The following NLK variants were observed in gnomAD, a reference collection of about 807,000 sequenced individuals.
The protein encoded by NLK is nemo like kinase.
Under a neutral mutation model 59.0 loss-of-function variants are expected in NLK, and 11 were observed. The ratio of observed to expected loss-of-function variants is 0.19; its 90% CI spans 0.12 to 0.31. The LOEUF is 0.31. NLK is among the 10% of genes least tolerant of loss of function. NLK has a pLI of 1.00. For synonymous variants in NLK, 235 were observed against 235.9 expected (o/e 1.00, Z 0.03); for missense variants, 410 against 661.1 (o/e 0.62, Z 4.16).
intron 3 of NLK, among the ~76,000 whole-genome samples, chr17:28,156,547 C>T (rs563519199): frequency 1.3e-5 from 2 of 152,174 alleles, no homozygotes; most frequent in South Asian, 2.1e-4. Flanking sequence ...CCCTTCACCC[C>T]GCAACACACA....
the NLK span, among the ~76,000 whole-genome samples, chr17:28,205,546 TTG>T: frequency 6.6e-6 from 1 of 152,176 alleles, no homozygotes; most frequent in Admixed American, 6.5e-5. Context: ...AAAAATCACT[TTG>T]TGTTTTGTAG....
Position 28,194,703 on chromosome 17 carries a change from C to A in NLK, c.*67C>A. The A allele has an allele frequency of 8.6e-7, 1 of 1,160,650 alleles. No individual in the cohort carries two copies. The highest frequency in any genetic ancestry group is 1.9e-5 in the Admixed American group (1 of 52,920). 71.9% of individuals were successfully genotyped at this position (1,160,650 alleles called of 1,614,324 possible). On this transcript the variant is annotated 3_prime_UTR_variant, in exon 11 of 11. Transcript: ENST00000407008. ...CCACTGGAGTCTGGGATTTGCAATT[C>A]TGGAGGTTAATCATGCTTGTACTGT...
intron 1 of NLK, among the ~76,000 whole-genome samples, chr17:28,083,004 G>A (rs1363837190): frequency 1.3e-5 from 2 of 152,084 alleles, no homozygotes; most frequent in South Asian, 2.1e-4. Context: ...TGTCTATTTG[G>A]AATAATAGTC....
Position 28,190,762 on chromosome 17 carries a change from T to C in NLK, c.1237-259T>C, listed in dbSNP as rs572515185. On this transcript the variant is annotated intron_variant, in intron 8 of 10. Transcript: ENST00000407008. ...GACCCAGCATACATCTATTTCAATG[T>C]AGTAACTTCTTAGAATTTTAGAAGA... Among the ~76,000 whole-genome samples the C allele has an allele frequency of 2.6e-5, 4 of 152,300 alleles. No homozygotes were observed. The East Asian group carries it at 7.7e-4, about 29-fold the overall frequency.
At chr17:28,192,272 T>C in intron 10 of NLK, 59 bp downstream of exon 10, 1 of 872,310 alleles carries the variant, frequency 1.1e-6, no homozygotes, top group Non-Finnish European at 1.9e-6. Flanking sequence ...CCAGTGTTAC[T>C]TCATTATTCA....
chr17:28,154,619 AATAT>A (rs1359601182), intron 3 of NLK, among the ~76,000 whole-genome samples: 2 of 152,190 alleles, frequency 1.3e-5, no homozygotes, highest in African/African-American at 4.8e-5. Context: ...GATATAAAAG[AATAT>A]ATATAATACC....
At chr17:28,068,005 G>A (rs1283945115) in intron 1 of NLK, among the ~76,000 whole-genome samples, 1 of 151,920 alleles carries the variant, frequency 6.6e-6, no homozygotes, top group Non-Finnish European at 1.5e-5. Context: ...GCAGGGCATG[G>A]TGGTGCACGC....
At chr17:28,088,858 A>C (rs1162614210) in intron 1 of NLK, among the ~76,000 whole-genome samples, 10 of 152,176 alleles carry the variant, frequency 6.6e-5, no homozygotes, top group Admixed American at 6.5e-4. Flanking sequence ...TTTAGTGGGC[A>C]TATCTTTAAG....
intron 7 of NLK, 24 bp downstream of exon 7, chr17:28,172,642 T>C: frequency 7.4e-7 from 1 of 1,354,006 alleles, no homozygotes; most frequent in Non-Finnish European, 1.0e-6. Context: ...GGAATCTTTT[T>C]CTGGTAACCA....
chr17:28,140,708 A>C (rs190305684), intron 3 of NLK, among the ~76,000 whole-genome samples: 9 of 152,156 alleles, frequency 5.9e-5, no homozygotes, highest in African/African-American at 9.6e-5. Flanking sequence ...GTACCAGAAT[A>C]ATCAATTTTA....
chr17:28,090,788 C>T (rs1456897421), intron 1 of NLK, among the ~76,000 whole-genome samples: 4 of 151,570 alleles, frequency 2.6e-5, no homozygotes, highest in Admixed American at 1.3e-4. Context: ...AGATGTTACT[C>T]TGTTATTTTC....
In NLK at chr17:28,098,972, G is replaced by A. The variant is rs148033451; in HGVS notation, c.459-23631G>A. Among the ~76,000 whole-genome samples, 18 of 152,048 alleles carry A rather than the reference G, an allele frequency of 1.2e-4. No homozygotes were observed. The East Asian group carries it at 3.1e-3, about 26-fold the overall frequency. Reference sequence around the variant, plus strand: ...GCTGGGATTACAGGTGTGAGCCACCGTGCCTGGCTTTCATTACCATTCTTG... The same window carrying A: ...GCTGGGATTACAGGTGTGAGCCACCATGCCTGGCTTTCATTACCATTCTTG... On this transcript the variant is annotated intron_variant, in intron 1 of 10. Coordinates refer to ENST00000407008, the MANE Select transcript of NLK (RefSeq NM_016231.5).
intron 7 of NLK, among the ~76,000 whole-genome samples, chr17:28,181,958 T>G (rs1908924042): frequency 6.6e-6 from 1 of 151,916 alleles, no homozygotes; most frequent in Non-Finnish European, 1.5e-5. Flanking sequence ...TGCGGTGAGC[T>G]GAGATCGCAC....
chr17:28,125,713 A>G (rs549852211), intron 2 of NLK, among the ~76,000 whole-genome samples: 3 of 152,328 alleles, frequency 2.0e-5, no homozygotes, highest in Admixed American at 6.5e-5. Context: ...GGCAACTGGT[A>G]TTTGATCTAG....
chr17:28,203,164 TACACACACACAC>T, the NLK span, among the ~76,000 whole-genome samples: 336 of 137,018 alleles, frequency 2.5e-3, 2 homozygotes, highest in Middle Eastern at 0.014. Flanking sequence ...TATACATACA[TACACACACACAC>T]ACACACACAC....
In NLK at chr17:28,172,544, A is replaced by T; in HGVS notation, c.1075A>T (p.Thr359Ser). Residue 359 changes from threonine to serine, a missense_variant, in exon 7 of 11, where the codon ACA (threonine) becomes TCA (serine). Transcript: ENST00000407008. The part of the protein sequence containing the change: ...QLDLITDLLG[T>S]PSLEAMRTAC... Reference sequence around the variant, plus strand: ...GGATTTGATCACGGATCTGTTGGGCACACCATCACTGGAAGCAATGAGGAC... The same window carrying T: ...GGATTTGATCACGGATCTGTTGGGCTCACCATCACTGGAAGCAATGAGGAC... 6.3e-7 allele frequency: 1 copy of T among 1,594,254 alleles called. No homozygotes were observed. Among genetic ancestry groups the T allele is most frequent in the Non-Finnish European group, 8.5e-7 (1 of 1,171,164 alleles).
chr17:28,093,539 T>C (rs1904586310), intron 1 of NLK, among the ~76,000 whole-genome samples: 1 of 152,148 alleles, frequency 6.6e-6, no homozygotes, highest in Non-Finnish European at 1.5e-5. Context: ...TGGGAAAGCT[T>C]TGTAATTGCT....
At position 28,042,718 on chromosome 17, in the gene NLK, A is replaced by G. The variant is rs1027618669; in HGVS notation, c.-156A>G. 1.5e-6 allele frequency: 1 copy of G among 658,988 alleles called. No homozygotes were observed. The highest frequency in any genetic ancestry group is 1.9e-5 in the African/African-American group (1 of 53,906). 40.8% of individuals were successfully genotyped at this position (658,988 alleles called of 1,614,324 possible). A position where few individuals can be genotyped will look rare whatever the true frequency, so the allele number is the denominator to read the frequency against. On this transcript the variant is annotated 5_prime_UTR_variant, in exon 1 of 11. Transcript: ENST00000407008. ...CCCTTCCACACACGCTCACCCCAAA[A>G]TTAAACACCAAGATCCTCTAACTTG...
intron 1 of NLK, among the ~76,000 whole-genome samples, chr17:28,056,864 T>G (rs1909460608): frequency 6.6e-6 from 1 of 152,122 alleles, no homozygotes; most frequent in Non-Finnish European, 1.5e-5. Flanking sequence ...CTCAGGAAAT[T>G]TGAAAGAATT....
Sources: allele counts gnomAD v4.1 joint callset (sites outside exome capture counted in the v4.1 genomes callset), GRCh38; gene constraint gnomAD v4.1.1; transcripts MANE v1.5; gene names NCBI Gene and HGNC (gene_info 2026-07-23, HGNC 2026-07-21).